The following ERCC6L2 variants were observed in gnomAD, a reference collection of about 807,000 sequenced individuals.
ERCC6L2 encodes ERCC excision repair 6 like 2, also known as DNA excision repair protein ERCC-6-like 2.
Under a neutral mutation model 132.0 loss-of-function variants are expected in ERCC6L2, and 77 were observed. The ratio of observed to expected loss-of-function variants is 0.58; its 90% CI spans 0.49 to 0.71. The LOEUF is 0.71. Among genes scored for constraint, ERCC6L2 ranks in the 30% least tolerant of loss-of-function variants. ERCC6L2 has a pLI of 0.00. For missense variants in ERCC6L2, 1,542 were observed against 1,837.6 expected (o/e 0.84, Z 2.94); for synonymous variants, 583 against 632.4 (o/e 0.92, Z 1.17).
At chr9:95,985,509 T>C (rs1833061845) in intron 17 of ERCC6L2, among the ~76,000 whole-genome samples, 1 of 152,200 alleles carries the variant, frequency 6.6e-6, no homozygotes, top group African/African-American at 2.4e-5. Context: ...TCATTGTCAT[T>C]ATATGTCATC....
intron 3 of ERCC6L2, among the ~76,000 whole-genome samples, chr9:95,901,801 TAG>T (rs1050510661): frequency 2.0e-5 from 3 of 152,248 alleles, no homozygotes; most frequent in African/African-American, 7.2e-5. Flanking sequence ...AACTGGAATT[TAG>T]AGTTTTTAAT....
Position 95,908,595 on chromosome 9 carries a change from G to A in ERCC6L2, c.788+1324G>A, listed in dbSNP as rs907738614. Among the ~76,000 whole-genome samples the A allele has an allele frequency of 3.3e-5, 5 of 152,296 alleles. 1 individual carries two copies. In the South Asian group the frequency reaches 8.3e-4, roughly 25 times the overall value. Reference sequence around the variant, plus strand: ...GTAATGTGGTCACGGGACCATGGTAGTGAGGTCTGAAGTCTTCATAGTTGT... The same window carrying A: ...GTAATGTGGTCACGGGACCATGGTAATGAGGTCTGAAGTCTTCATAGTTGT... On this transcript the variant is annotated intron_variant, in intron 4 of 18. Transcript: ENST00000653738.
chr9:95,885,451 G>A (rs1194005062), intron 2 of ERCC6L2, among the ~76,000 whole-genome samples: 3 of 152,078 alleles, frequency 2.0e-5, no homozygotes, highest in Admixed American at 6.5e-5. Flanking sequence ...TGGTTTTAGT[G>A]GGACTGAAAA....
intron 17 of ERCC6L2, among the ~76,000 whole-genome samples, chr9:95,990,423 C>T (rs1381930355): frequency 3.3e-5 from 5 of 152,138 alleles, no homozygotes; most frequent in African/African-American, 9.7e-5. Context: ...CCCCAAGACT[C>T]GGAGGGGGGG....
intron 20 of ERCC6L2, among the ~76,000 whole-genome samples, chr9:96,039,581 C>G (rs1279532513): frequency 1.3e-5 from 2 of 152,100 alleles, no homozygotes; most frequent in Non-Finnish European, 2.9e-5. Context: ...AAAGACACAC[C>G]TTCCAGTGCC....
intron 19 of ERCC6L2, among the ~76,000 whole-genome samples, chr9:96,037,058 G>A (rs1040920159): frequency 2.0e-5 from 3 of 152,078 alleles, no homozygotes; most frequent in Non-Finnish European, 4.4e-5. Context: ...GAGCCACTGC[G>A]CCCGGCCCCA....
chr9:95,956,380 A>T (rs192697926), intron 13 of ERCC6L2, among the ~76,000 whole-genome samples: 1 of 152,252 alleles, frequency 6.6e-6, no homozygotes, highest in South Asian at 2.1e-4. Context: ...GCAAGGTCAC[A>T]GCTCCCCAAA....
Position 96,012,268 on chromosome 9 carries a change from G to A in ERCC6L2, c.3718G>A (p.Val1240Ile), listed in dbSNP as rs1834051660. 7.7e-7 allele frequency: 1 copy of A among 1,304,926 alleles called. No individual in the cohort carries two copies. The highest frequency in any genetic ancestry group is 1.0e-6 in the Non-Finnish European group (1 of 986,330). The allele number at this position is 1,304,926 out of a possible 1,614,324, so 80.8% of individuals were successfully genotyped here. ...GGCCTCTTATTTTAACTCGTCTTCT[G>A]TAAACGAATTTGCTAAACATATAAC... is the stretch of plus-strand genomic sequence containing the variant. ...EMASYFNSSS[V>I]NEFAKHITNA... Residue 1240 changes from valine (V) to isoleucine (I), a missense_variant, in exon 19 of 19, where the codon GTA becomes ATA. Coordinates refer to ENST00000653738, the MANE Select transcript of ERCC6L2 (RefSeq NM_020207.7).
In ERCC6L2 at chr9:95,916,198, C is replaced by T. The variant is rs768851036; in HGVS notation, c.951-29C>T. 7 of 1,592,514 alleles carry T rather than the reference C, an allele frequency of 4.4e-6. No homozygotes were observed. The African/African-American group carries it at 8.1e-5, about 18-fold the overall frequency. On this transcript the variant is annotated intron_variant, in intron 5 of 18. Coordinates refer to ENST00000653738, the MANE Select transcript of ERCC6L2 (RefSeq NM_020207.7). ...GTTAGTGTTTTTAGATAATAAAGCC[C>T]TTACATTTTTCTTATTGTCTTTATA...
chr9:95,960,198 C>A (rs1357266169), intron 13 of ERCC6L2, among the ~76,000 whole-genome samples: 2 of 151,916 alleles, frequency 1.3e-5, no homozygotes, highest in African/African-American at 4.8e-5. Flanking sequence ...TTACTTGCAC[C>A]CTCCACTTTA....
At chr9:95,888,194 C>G (rs917187976) in intron 2 of ERCC6L2, among the ~76,000 whole-genome samples, 20 of 149,580 alleles carry the variant, frequency 1.3e-4, no homozygotes, top group African/African-American at 4.4e-4. Context: ...TCTTTTTGTT[C>G]TGTAAGAAAT....
chr9:95,940,608 C>A (rs556947871), intron 11 of ERCC6L2, among the ~76,000 whole-genome samples: 23 of 152,124 alleles, frequency 1.5e-4, no homozygotes, highest in African/African-American at 5.1e-4. Context: ...CAGTATAATA[C>A]CATTATACTC....
At chr9:95,916,035 A>T (rs1031180854) in intron 5 of ERCC6L2, among the ~76,000 whole-genome samples, 192 bp from the exon 6 acceptor site, 1 of 152,188 alleles carries the variant, frequency 6.6e-6, no homozygotes, top group Non-Finnish European at 1.5e-5. Context: ...GTAAATATAC[A>T]TGTTCACTGC....
chr9:96,009,785 C>G (rs757457084), intron 18 of ERCC6L2, among the ~76,000 whole-genome samples: 1 of 152,182 alleles, frequency 6.6e-6, no homozygotes, highest in Non-Finnish European at 1.5e-5. Context: ...ATCCTGTAAG[C>G]AGCAACCATG....
chr9:95,993,664 C>T (rs1833376600), intron 17 of ERCC6L2, among the ~76,000 whole-genome samples: 2 of 152,174 alleles, frequency 1.3e-5, no homozygotes, highest in Admixed American at 6.5e-5. Context: ...TGAAGAGATA[C>T]TTCCATTATT....
In ERCC6L2 at chr9:95,972,019, C is replaced by T. The variant is rs1588001830; in HGVS notation, c.2268C>T (p.Asp756=). 7.7e-7 allele frequency: 1 copy of T among 1,304,084 alleles called. No individual in the cohort carries two copies. The highest frequency in any genetic ancestry group is 1.5e-5 in the African/African-American group (1 of 65,854). 80.8% of individuals were successfully genotyped at this position (1,304,084 alleles called of 1,614,324 possible). A position where few individuals can be genotyped will look rare whatever the true frequency, so the allele number is the denominator to read the frequency against. The part of the protein sequence containing the change: ...LAKEACDLCS[D]FSDEEPVGAT... ...AGGAAGCATGTGATCTCTGCAGTGA[C>T]TTCAGTGATGAAGAGCCAGTGGGAG... The change falls in exon 16 of 19, where the codon GAC becomes GAT. Residue 756 remains aspartate (D), a synonymous_variant. Coordinates refer to ENST00000653738, the MANE Select transcript of ERCC6L2 (RefSeq NM_020207.7).
chr9:95,895,052 G>A (rs1828380678), intron 2 of ERCC6L2, among the ~76,000 whole-genome samples: 1 of 152,096 alleles, frequency 6.6e-6, no homozygotes, highest in African/African-American at 2.4e-5. Context: ...TGTTCTTGCT[G>A]AGTTATTTTA....
At chr9:95,966,813 CTT>C in intron 14 of ERCC6L2, 99 bp downstream of exon 14, 1 of 1,077,824 alleles carries the variant, frequency 9.3e-7, no homozygotes, top group Non-Finnish European at 1.2e-6. Context: ...TTCAGAGAAA[CTT>C]TTGGTTTTCT....
chr9:95,957,849 G>GA (rs1189277227), intron 13 of ERCC6L2, among the ~76,000 whole-genome samples: 7 of 148,950 alleles, frequency 4.7e-5, no homozygotes, highest in Non-Finnish European at 7.4e-5. Context: ...ATCTTTTGGG[G>GA]AAAAAAAATC....
Sources: gnomAD v4.1 joint callset for allele counts (sites outside exome capture counted in the v4.1 genomes callset) on GRCh38, gnomAD v4.1.1 for gene constraint, MANE v1.5 for transcripts, NCBI Gene and HGNC (gene_info 2026-07-23, HGNC 2026-07-21) for gene names.